The following MED15 variants were observed in gnomAD, a reference collection of about 807,000 sequenced individuals.
The protein encoded by MED15 is mediator of RNA polymerase II transcription subunit 15.
A neutral mutation model predicts 118.7 loss-of-function variants in MED15; 41 were observed. That is an observed-to-expected ratio of 0.35 (90% CI 0.27 to 0.45). MED15 has a LOEUF of 0.45. Among genes scored for constraint, MED15 ranks in the 20% least tolerant of loss-of-function variants. The pLI, the probability that MED15 is intolerant of heterozygous loss-of-function variation, is 1.00. For missense variants in MED15, 740 were observed against 1,025.5 expected, an observed-to-expected ratio of 0.72 and a Z score of 3.80; for synonymous variants, 436 against 413.9, an observed-to-expected ratio of 1.05 and a Z score of -0.65.
rs9623980 is a variant in MED15, at chr22:20,524,084, T to C, written c.69-13033T>C. Among the ~76,000 whole-genome samples the C allele has an allele frequency of 3.0e-3, 463 of 152,352 alleles. 1 individual carries two copies. Among genetic ancestry groups the C allele is most frequent in the African/African-American group, 0.01 (435 of 41,580 alleles). The stretch of plus-strand genomic sequence containing the variant: ...CTTGTTAAAAAAACACTTTTATGTT[T>C]CTTTAAAAAGTAAAAGAACCAGAAT... On this transcript the variant is annotated intron_variant, in intron 1 of 17. Coordinates refer to ENST00000263205, the MANE Select transcript of MED15 (RefSeq NM_001003891.3).
chr22:20,577,874 AC>A (rs1294455938), intron 9 of MED15, among the ~76,000 whole-genome samples: 1 of 152,090 alleles, frequency 6.6e-6, no homozygotes, highest in East Asian at 1.9e-4. Context: ...AAGGCACAGA[AC>A]TGGGGCAAGG....
chr22:20,535,661 G>A (rs1035073152), intron 1 of MED15, among the ~76,000 whole-genome samples: 4 of 150,100 alleles, frequency 2.7e-5, no homozygotes, highest in South Asian at 2.1e-4. Context: ...CCGGGTTCAT[G>A]CCATTCTCCT....
rs2056954792 is a variant in MED15 at position 20,580,672 on chromosome 22, T to C, written c.1273-1939T>C. On this transcript the variant is annotated intron_variant, in intron 9 of 17. Coordinates refer to ENST00000263205, the MANE Select transcript of MED15 (RefSeq NM_001003891.3). The stretch of plus-strand genomic sequence containing the variant: ...GTCTGTGGTTCTCTGTATGGAATTT[T>C]CTGGCCTTGGGATTTTGTTGACACC... Among the ~76,000 whole-genome samples, 4 of 152,202 alleles carry C rather than the reference T, an allele frequency of 2.6e-5. No individual in the cohort carries two copies. In the South Asian group the frequency reaches 8.3e-4, roughly 32 times the overall value.
chr22:20,522,676 G>C (rs1000605876), intron 1 of MED15: 1 of 152,322 alleles, frequency 6.6e-6, no homozygotes, highest in Non-Finnish European at 1.5e-5. Flanking sequence ...TGATGATGTG[G>C]GGAGTGGGTG....
chr22:20,517,340 A>G (rs1266421104), intron 1 of MED15, among the ~76,000 whole-genome samples: 4 of 152,194 alleles, frequency 2.6e-5, no homozygotes, highest in Non-Finnish European at 4.4e-5. Context: ...CCTGCCTGCC[A>G]GTTCCTTGAC....
intron 1 of MED15, among the ~76,000 whole-genome samples, chr22:20,526,932 T>G (rs78377104): frequency 3.9e-5 from 6 of 152,320 alleles, no homozygotes; most frequent in Non-Finnish European, 7.4e-5. Flanking sequence ...GCCAGCTTCC[T>G]GAGAAGGGAC....
chr22:20,521,693 G>A (rs1306789114), intron 1 of MED15, among the ~76,000 whole-genome samples: 1 of 140,570 alleles, frequency 7.1e-6, no homozygotes, highest in Non-Finnish European at 1.6e-5. Flanking sequence ...ACTGCGCCTG[G>A]CCTTATTTAT....
chr22:20,569,912 G>A (rs187695455), intron 8 of MED15, among the ~76,000 whole-genome samples: 44 of 152,338 alleles, frequency 2.9e-4, no homozygotes, highest in Middle Eastern at 3.4e-3. Flanking sequence ...GAGGAAGGAC[G>A]TGGTGTGTTC....
intron 3 of MED15, among the ~76,000 whole-genome samples, chr22:20,552,870 G>T (rs1452123232): frequency 1.3e-5 from 2 of 152,192 alleles, no homozygotes; most frequent in Non-Finnish European, 1.5e-5. Flanking sequence ...GCCAGAGTAG[G>T]CCCAGGGTCC....
rs577490449 is a variant in MED15, at chr22:20,526,698, C to G, written c.69-10419C>G. Among the ~76,000 whole-genome samples the G allele has an allele frequency of 1.7e-3, 254 of 152,268 alleles. 1 individual carries two copies. Among genetic ancestry groups the G allele is most frequent in the Non-Finnish European group, 2.9e-3 (200 of 68,022 alleles). ...TGCTAGTGAGCTGTCAGTTTCAGTT[C>G]AAACCCCTGGCCTCAAGTGATCCAT... On this transcript the variant is annotated intron_variant, in intron 1 of 17. Transcript: ENST00000263205.
At chr22:20,512,523 C>G (rs949907716) in intron 1 of MED15, among the ~76,000 whole-genome samples, 5 of 151,200 alleles carry the variant, frequency 3.3e-5, no homozygotes, top group African/African-American at 4.9e-5. Flanking sequence ...AGCTTGGTAC[C>G]TGGTATACAA....
intron 1 of MED15, among the ~76,000 whole-genome samples, chr22:20,520,458 A>G (rs947748463): frequency 9.2e-5 from 14 of 152,218 alleles, no homozygotes; most frequent in African/African-American, 3.1e-4. Context: ...CGTGTGAGGG[A>G]GAAGTCCCTG....
chr22:20,575,118 C>G lies in MED15; in HGVS notation c.1158C>G (p.Ile386Met), dbSNP rs758189542. The change falls in exon 9 of 18, where the codon ATC becomes ATG. Residue 386 changes from isoleucine (I) to methionine (M), a missense_variant. This residue lies in a region of MED15 where 384 missense variants were observed against 506.3 expected (regional missense o/e 0.76). Transcript: ENST00000263205. ...TTGTCCCTCTGTCCTCAAAGATGAT[C>G]ACGGAAGCCTTGGCCCAAGGTGGGA... ...AQMVAPGVQM[I>M]TEALAQGGMH... 2 of 1,613,986 alleles carry G rather than the reference C, an allele frequency of 1.2e-6. No homozygotes were observed. The highest frequency in any genetic ancestry group is 2.2e-5 in the South Asian group (2 of 91,090).
At chr22:20,522,383 T>A (rs2054494423) in intron 1 of MED15, among the ~76,000 whole-genome samples, 1 of 152,042 alleles carries the variant, frequency 6.6e-6, no homozygotes, top group South Asian at 2.1e-4. Context: ...TAACAGGCAC[T>A]CTCGTTGATT....
At chr22:20,512,899 G>A (rs1601431927) in intron 1 of MED15, among the ~76,000 whole-genome samples, 1 of 151,446 alleles carries the variant, frequency 6.6e-6, no homozygotes. Flanking sequence ...GCGCCACCAG[G>A]CCCAGCTAAT....
At chr22:20,567,605 C>T (rs539309175) in intron 7 of MED15, among the ~76,000 whole-genome samples, 2 of 152,286 alleles carry the variant, frequency 1.3e-5, no homozygotes, top group South Asian at 2.1e-4. Flanking sequence ...TGCCTGACCC[C>T]GGGGACTGTG....
chr22:20,574,862 A>G (rs1163707942), intron 8 of MED15: 1 of 516,304 alleles, frequency 1.9e-6, no homozygotes, highest in African/African-American at 1.9e-5. Flanking sequence ...CAGGAGAGCA[A>G]CCAGTAGAAC....
At chr22:20,546,859 C>G (rs1050908269) in intron 2 of MED15, among the ~76,000 whole-genome samples, 8 of 152,118 alleles carry the variant, frequency 5.3e-5, no homozygotes, top group African/African-American at 1.9e-4. Context: ...GGAGTGAACC[C>G]TGGGGACTTC....
At chr22:20,560,119 CAT>C (rs2056175529) in intron 5 of MED15, among the ~76,000 whole-genome samples, 2 of 152,096 alleles carry the variant, frequency 1.3e-5, no homozygotes, top group Non-Finnish European at 2.9e-5. Flanking sequence ...CCCCCAACAA[CAT>C]AGAATCATCT....
Sources: gnomAD v4.1 joint callset for allele counts (sites outside exome capture counted in the v4.1 genomes callset) on GRCh38, gnomAD v4.1.1 for gene constraint, gnomAD v4.1.1 regional missense constraint, MANE v1.5 for transcripts, NCBI Gene and HGNC (gene_info 2026-07-23, HGNC 2026-07-21) for gene names.